Variants in LRRC8A observed in about 807,000 individuals in gnomAD.
LRRC8A encodes volume-regulated anion channel subunit LRRC8A.
A neutral mutation model predicts 52.5 loss-of-function variants in LRRC8A; 24 were observed. The ratio of observed to expected loss-of-function variants is 0.46; its 90% confidence interval spans 0.33 to 0.64. The LOEUF (loss-of-function observed/expected upper bound fraction) is 0.64, where lower values mean the gene tolerates loss of function less well. Ranked by LOEUF, LRRC8A falls within the 30% of genes least tolerant of loss-of-function variation. LRRC8A has a pLI of 0.02. For synonymous variants in LRRC8A, 492 were observed against 494.2 expected, an observed-to-expected ratio of 1.00 and a Z score of 0.06; for missense variants, 677 against 1,094.7, an observed-to-expected ratio of 0.62 and a Z score of 5.38.
At chr9:128,883,993 A>C (rs945110312) in intron 1 of LRRC8A, among the ~76,000 whole-genome samples, 3 of 151,632 alleles carry the variant, frequency 2.0e-5, no homozygotes, top group South Asian at 4.2e-4. Context: ...AAAAAAAAAA[A>C]CAGAGCGGGG....
intron 3 of LRRC8A, among the ~76,000 whole-genome samples, chr9:128,912,579 C>T (rs985454903): frequency 3.3e-5 from 5 of 152,278 alleles, no homozygotes; most frequent in East Asian, 3.9e-4. Flanking sequence ...GTTTAACAGC[C>T]GATCCCTTGC....
At position 128,894,081 on chromosome 9, in the gene LRRC8A, A is replaced by T. The variant is rs186292736; in HGVS notation, c.-9+7960A>T. ...TTTTTAGTAGAGACGGGGTTTCGCC[A>T]TGTTGGCCAGGCTGGTCTCAAACTC... On this transcript the variant is annotated intron_variant, in intron 2 of 3. Transcript: ENST00000372600. 2.0e-4 allele frequency among the ~76,000 whole-genome samples: 31 copies of T among 152,104 alleles called. No individual in the cohort carries two copies. In the East Asian group the frequency reaches 6.1e-3, roughly 30 times the overall value.
intron 2 of LRRC8A, among the ~76,000 whole-genome samples, chr9:128,893,671 TATC>T (rs754566818): frequency 6.6e-6 from 1 of 152,102 alleles, no homozygotes; most frequent in Non-Finnish European, 1.5e-5. Context: ...TAAATTCTTT[TATC>T]ATCCTGAGAA....
rs557733910 is a variant in LRRC8A, at chr9:128,889,475, GT to G, written c.-9+3367del. 3.3e-3 allele frequency among the ~76,000 whole-genome samples: 474 copies of G among 143,452 alleles called. 1 individual carries two copies. The highest frequency in any genetic ancestry group is 8.8e-3 in the African/African-American group (343 of 38,968). 94.1% of individuals were successfully genotyped at this position (143,452 alleles called of 152,430 possible). Reference sequence around the variant, plus strand: ...TCCCCACAGGACTGGGACTGGACAGGTTTTTTTTTTTTTGTTTAATTAATTA... The same window carrying G: ...TCCCCACAGGACTGGGACTGGACAGGTTTTTTTTTTTTGTTTAATTAATTA... On this transcript the variant is annotated intron_variant, in intron 2 of 3. Transcript: ENST00000372600.
intron 3 of LRRC8A, among the ~76,000 whole-genome samples, chr9:128,910,001 T>C (rs933396520): frequency 6.6e-6 from 1 of 152,206 alleles, no homozygotes; most frequent in African/African-American, 2.4e-5. Flanking sequence ...ACCTTCGACA[T>C]ACTTTCAAGA....
rs762850597 is a variant in LRRC8A, at chr9:128,909,136, A to G, written c.1972A>G (p.Ile658Val). 1.2e-6 allele frequency: 2 copies of G among 1,614,034 alleles called. No individual in the cohort carries two copies. The highest frequency in any genetic ancestry group is 1.7e-6 in the Non-Finnish European group (2 of 1,180,016). ...CCACATCGCCTACATCCCCATCCAG[A>G]TCGGCAACCTCACCAACCTGGAGCG... The part of the protein sequence containing the change: ...YNHIAYIPIQ[I>V]GNLTNLERLY... The change falls in exon 3 of 4, where the codon ATC (isoleucine) becomes GTC (valine). Residue 658 changes from isoleucine (I) to valine (V), a missense_variant. By Grantham distance (29) the Ile-to-Val change is conservative. Coordinates refer to ENST00000372600, the MANE Select transcript of LRRC8A (RefSeq NM_019594.4).
chr9:128,903,469 G>A (rs1840109440), intron 2 of LRRC8A, among the ~76,000 whole-genome samples: 1 of 149,402 alleles, frequency 6.7e-6, no homozygotes, highest in African/African-American at 2.5e-5. Context: ...CTGGAGTGCA[G>A]TGGCGTGATC....
Position 128,916,199 on chromosome 9 carries a change from C to A in LRRC8A, c.2261C>A (p.Thr754Asn), listed in dbSNP as rs749515686. 3.1e-6 allele frequency: 5 copies of A among 1,613,358 alleles called. No individual in the cohort carries two copies. The highest frequency in any genetic ancestry group is 4.2e-6 in the Non-Finnish European group (5 of 1,180,018). ...CTGCCCTCCAGGGTGGGCGAGCTGA[C>A]CAACCTGACGCAGATCGAGCTGCGG... is the stretch of plus-strand genomic sequence containing the variant. ...QSLPSRVGEL[T>N]NLTQIELRGN... The change falls in exon 4 of 4, where the codon ACC becomes AAC. Residue 754 changes from threonine to asparagine, a missense_variant. This residue lies in a region of LRRC8A where 169 missense variants were observed against 217.6 expected (regional missense o/e 0.78). Coordinates refer to ENST00000372600, the MANE Select transcript of LRRC8A (RefSeq NM_019594.4). The surrounding 1 kb of genome is among the most constrained non-coding windows in gnomAD (Gnocchi z 6.1).
intron 3 of LRRC8A, among the ~76,000 whole-genome samples, chr9:128,914,021 A>C (rs1235484517): frequency 1.3e-5 from 2 of 152,208 alleles, no homozygotes; most frequent in Non-Finnish European, 2.9e-5. Flanking sequence ...CCTGGCCGAC[A>C]TAATGAAACC....
intron 2 of LRRC8A, among the ~76,000 whole-genome samples, chr9:128,901,371 G>A (rs769726799): frequency 7.2e-5 from 11 of 152,070 alleles, no homozygotes; most frequent in Non-Finnish European, 1.5e-4. Flanking sequence ...GGCTGAGTCA[G>A]GGGAATTATT....
At chr9:128,909,616 C>G (rs1840414565) in intron 3 of LRRC8A, among the ~76,000 whole-genome samples, 1 of 152,230 alleles carries the variant, frequency 6.6e-6, no homozygotes, top group Admixed American at 6.5e-5. Flanking sequence ...GTCTGTCCCC[C>G]AAGGTGACCT....
intron 2 of LRRC8A, among the ~76,000 whole-genome samples, chr9:128,901,115 T>G (rs1840007435): frequency 6.6e-6 from 1 of 151,906 alleles, no homozygotes; most frequent in African/African-American, 2.4e-5. Context: ...GGTGGTTGCA[T>G]TGAGCCGAGA....
In LRRC8A at chr9:128,905,355, G is replaced by GT. The variant is rs1840203845; in HGVS notation, c.-8-1801dup. Among the ~76,000 whole-genome samples, 8 of 152,156 alleles carry GT rather than the reference G, an allele frequency of 5.3e-5. No individual in the cohort carries two copies. In the South Asian group the frequency reaches 1.7e-3, roughly 32 times the overall value. On this transcript the variant is annotated intron_variant, in intron 2 of 3. Coordinates refer to ENST00000372600, the MANE Select transcript of LRRC8A (RefSeq NM_019594.4). Reference sequence around the variant, plus strand: ...GGAACATCTAGTACCTTATCCCTCCGTGACAGCCATACGTCTTTCATTGTA... The same window carrying GT: ...GGAACATCTAGTACCTTATCCCTCCGTTGACAGCCATACGTCTTTCATTGTA...
chr9:128,896,574 T>G (rs1040438788), intron 2 of LRRC8A, among the ~76,000 whole-genome samples: 4 of 152,232 alleles, frequency 2.6e-5, no homozygotes, highest in African/African-American at 9.6e-5. Flanking sequence ...GGCTAAGAAT[T>G]ATTTCATACA....
At chr9:128,887,921 C>T (rs558761907) in intron 2 of LRRC8A, among the ~76,000 whole-genome samples, 4 of 152,208 alleles carry the variant, frequency 2.6e-5, no homozygotes, top group Non-Finnish European at 5.9e-5. Flanking sequence ...GGATTATAGG[C>T]ATGAGCCACC....
intron 2 of LRRC8A, among the ~76,000 whole-genome samples, chr9:128,893,724 A>G (rs1043168105): frequency 2.6e-5 from 4 of 152,122 alleles, no homozygotes; most frequent in Non-Finnish European, 4.4e-5. Context: ...ATTTCCAAGC[A>G]GTTTTTCTAC....
Position 128,899,429 on chromosome 9 carries a change from T to G in LRRC8A, c.-8-7728T>G, listed in dbSNP as rs1839944627. 6.6e-6 allele frequency among the ~76,000 whole-genome samples: 1 copy of G among 151,760 alleles called. No individual in the cohort carries two copies. Among genetic ancestry groups the G allele is most frequent in the African/African-American group, 2.4e-5 (1 of 41,278 alleles). On this transcript the variant is annotated intron_variant, in intron 2 of 3. Transcript: ENST00000372600. The surrounding 1 kb of genome is among the most constrained non-coding windows in gnomAD (Gnocchi z 4.0). ...CCATCTGAATGGCCCACCCTGGAGG[T>G]GCTGCCTGTCTGGGCCCACTGTAAA... is the stretch of plus-strand genomic sequence containing the variant.
chr9:128,884,622 G>A (rs1191425937), intron 1 of LRRC8A, among the ~76,000 whole-genome samples: 1 of 152,150 alleles, frequency 6.6e-6, no homozygotes, highest in Admixed American at 6.5e-5. Context: ...TGTAGGGGGT[G>A]GTCAGGGTAT....
At chr9:128,903,624 A>G (rs1045961883) in intron 2 of LRRC8A, among the ~76,000 whole-genome samples, 2 of 151,750 alleles carry the variant, frequency 1.3e-5, no homozygotes, top group African/African-American at 2.4e-5. Flanking sequence ...CTTGTTAGCC[A>G]GGATGGTCTC....
Sources: allele counts gnomAD v4.1 joint callset (sites outside exome capture counted in the v4.1 genomes callset), GRCh38; gene constraint gnomAD v4.1.1; regional missense constraint gnomAD v4.1.1; non-coding constraint Gnocchi (gnomAD v3.1); transcripts MANE v1.5; gene names NCBI Gene and HGNC (gene_info 2026-07-23, HGNC 2026-07-21).